Variants in GRM2 observed in about 807,000 individuals in gnomAD.
GRM2 encodes metabotropic glutamate receptor 2.
In GRM2, 35 loss-of-function variants were observed where a neutral mutation model predicts 60.4. That is an observed-to-expected ratio of 0.58 (90% CI 0.44 to 0.77). The LOEUF (loss-of-function observed/expected upper bound fraction) is 0.77. Ranked by LOEUF, GRM2 falls within the 30% of genes least tolerant of loss-of-function variation. GRM2 has a pLI of 0.00. For missense variants in GRM2, 925 were observed against 1,199.5 expected (o/e 0.77, Z 3.38); for synonymous variants, 437 against 484.1 (o/e 0.90, Z 1.28).
chr3:51,713,426 C>A lies in GRM2; in HGVS notation c.1288+116C>A. 1 of 756,678 alleles carries A rather than the reference C, an allele frequency of 1.3e-6. No individual in the cohort carries two copies. The highest frequency in any genetic ancestry group is 1.8e-5 in the South Asian group (1 of 54,092). The allele number at this position is 756,678 out of a possible 1,614,324, so 46.9% of individuals were successfully genotyped here. On this transcript the variant is annotated intron_variant, in intron 3 of 5. Transcript: ENST00000395052. This position sits in a 1 kb window ranked among gnomAD's most constrained non-coding sequence, Gnocchi z 4.8. ...CAGTAGAGTGAAAGTAAAGGACTCA[C>A]CTGGGGTGGCGTCAGAGCAAGGGCA...
chr3:51,708,519 T>A (rs1452443537), intron 1 of GRM2: 1 of 156,562 alleles, frequency 6.4e-6, no homozygotes, highest in Non-Finnish European at 1.4e-5. Flanking sequence ...AGGTTTGTGC[T>A]GTTCTTGGAC....
chr3:51,712,543 A>C lies in GRM2; in HGVS notation c.521A>C (p.Asp174Ala). 6.2e-7 allele frequency: 1 copy of C among 1,614,160 alleles called. No individual in the cohort carries two copies. Among genetic ancestry groups the C allele is most frequent in the Non-Finnish European group, 8.5e-7 (1 of 1,180,038 alleles). Reference protein sequence around the residue: ...SYASTSAKLSDKSRYDYFART... With the variant: ...SYASTSAKLSAKSRYDYFART... ...GCCTCTACCAGTGCCAAGCTGAGTG[A>C]CAAGTCCCGCTATGACTACTTTGCC... The change falls in exon 3 of 6, where the codon GAC becomes GCC. Residue 174 changes from aspartate to alanine, a missense_variant. Physicochemically the swap from Asp to Ala is moderately radical, Grantham distance 126 (BLOSUM62 -2). Transcript: ENST00000395052. This position sits in a 1 kb window ranked among gnomAD's most constrained non-coding sequence, Gnocchi z 5.3.
In GRM2 at chr3:51,713,187, G is replaced by A. The variant is rs1024952885; in HGVS notation, c.1165G>A (p.Ala389Thr). ...TGTGGTCAATGCAGTGTACGCCATG[G>A]CCCATGCGCTCCACAACATGCACCG... is the stretch of plus-strand genomic sequence containing the variant. Reference protein sequence around the residue: ...MFVVNAVYAMAHALHNMHRAL... With the variant: ...MFVVNAVYAMTHALHNMHRAL... The change falls in exon 3 of 6, where the codon GCC becomes ACC. Residue 389 changes from alanine to threonine, a missense_variant. Coordinates refer to ENST00000395052, the MANE Select transcript of GRM2 (RefSeq NM_000839.5). The surrounding 1 kb of genome is among the most constrained non-coding windows in gnomAD (Gnocchi z 4.8). The A allele has an allele frequency of 1.9e-6, 3 of 1,613,154 alleles. No individual in the cohort carries two copies. Among genetic ancestry groups the A allele is most frequent in the Non-Finnish European group, 2.5e-6 (3 of 1,180,012 alleles).
intron 2 of GRM2, among the ~76,000 whole-genome samples, chr3:51,710,578 G>A (rs1703677716): frequency 6.7e-6 from 1 of 149,886 alleles, no homozygotes; most frequent in Admixed American, 6.9e-5. Context: ...GCCAGGAGTG[G>A]CCAGAGGAGA....
chr3:51,708,972 C>A lies in GRM2; in HGVS notation c.-12C>A. On this transcript the variant is annotated 5_prime_UTR_variant, in exon 2 of 6. Transcript: ENST00000395052. ...CCCAGGTCTGCGGGACCCATCCATC[C>A]CCTTTGGGGCCATGGGATCGCTGCT... 2 of 1,552,832 alleles carry A rather than the reference C, an allele frequency of 1.3e-6. No individual in the cohort carries two copies. The highest frequency in any genetic ancestry group is 2.4e-5 in the South Asian group (2 of 83,266).
rs1703782608 is a variant in GRM2 at position 51,713,204 on chromosome 3, C to T, written c.1182C>T (p.Asn394=). 1.9e-6 allele frequency: 3 copies of T among 1,613,220 alleles called. No individual in the cohort carries two copies. The highest frequency in any genetic ancestry group is 1.1e-5 in the South Asian group (1 of 91,092). The part of the protein sequence containing the change: ...AVYAMAHALH[N]MHRALCPNTT... Reference sequence around the variant, plus strand: ...ACGCCATGGCCCATGCGCTCCACAACATGCACCGTGCCCTCTGCCCCAACA... The same window carrying T: ...ACGCCATGGCCCATGCGCTCCACAATATGCACCGTGCCCTCTGCCCCAACA... Residue 394 remains asparagine (N), a synonymous_variant, in exon 3 of 6, where the codon AAC becomes AAT. Transcript: ENST00000395052. The surrounding 1 kb of genome is among the most constrained non-coding windows in gnomAD (Gnocchi z 4.8).
At chr3:51,709,674 A>ACTC (rs1410040173) in intron 2 of GRM2, among the ~76,000 whole-genome samples, 2 of 34,938 alleles carry the variant, frequency 5.7e-5, no homozygotes, top group African/African-American at 1.0e-4. Flanking sequence ...ACCCTCACAC[A>ACTC]CACACACACA....
At chr3:51,711,983 C>T (rs1014112620) in intron 2 of GRM2, among the ~76,000 whole-genome samples, 6 of 152,200 alleles carry the variant, frequency 3.9e-5, no homozygotes, top group Non-Finnish European at 5.9e-5. Context: ...TTAGGGCCAC[C>T]GGACCCTGGG....
Position 51,712,325 on chromosome 3 carries a change from T to A in GRM2, c.451-148T>A, listed in dbSNP as rs1259523894. The A allele has an allele frequency of 2.4e-5, 16 of 671,076 alleles. No homozygotes were observed. The Admixed American group carries it at 3.8e-4, about 16-fold the overall frequency. 41.6% of individuals were successfully genotyped at this position (671,076 alleles called of 1,614,324 possible). On this transcript the variant is annotated intron_variant, in intron 2 of 5. Coordinates refer to ENST00000395052, the MANE Select transcript of GRM2 (RefSeq NM_000839.5). This position sits in a 1 kb window ranked among gnomAD's most constrained non-coding sequence, Gnocchi z 5.3. ...ACTCCCTAGCCCAGAGGGAAGACTG[T>A]CAAGTCAGGATGCAGGGCTTTAGAG...
At chr3:51,710,594 AGG>A (rs1219771760) in intron 2 of GRM2, among the ~76,000 whole-genome samples, 1 of 122,334 alleles carries the variant, frequency 8.2e-6, no homozygotes, top group Admixed American at 1.3e-4. Flanking sequence ...GGAGAGAATC[AGG>A]GTAGGGGAGT....
In GRM2 at chr3:51,712,854, C is replaced by T. The variant is rs1223123526; in HGVS notation, c.832C>T (p.Leu278=). The T allele has an allele frequency of 2.5e-6, 4 of 1,612,948 alleles. No homozygotes were observed. The highest frequency in any genetic ancestry group is 1.6e-4 in the Middle Eastern group (1 of 6,062). Residue 278 remains leucine, a synonymous_variant, in exon 3 of 6, where the codon CTG becomes TTG. Coordinates refer to ENST00000395052, the MANE Select transcript of GRM2 (RefSeq NM_000839.5). This position sits in a 1 kb window ranked among gnomAD's most constrained non-coding sequence, Gnocchi z 5.3. ...CACCCGTTCTGAGGATGCCCGGGAG[C>T]TGCTTGCTGCCAGCCAGCGCCTCAA... The part of the protein sequence containing the change: ...LFTRSEDARE[L]LAASQRLNAS...
intron 1 of GRM2, 196 bp downstream of exon 1, chr3:51,707,363 C>G (rs1439668754): frequency 1.3e-5 from 2 of 153,272 alleles, no homozygotes; most frequent in Non-Finnish European, 2.9e-5. Flanking sequence ...AACGCACGCC[C>G]CACATCGCAC....
At chr3:51,709,965 T>A (rs183880442) in intron 2 of GRM2, among the ~76,000 whole-genome samples, 2 of 151,172 alleles carry the variant, frequency 1.3e-5, no homozygotes, top group African/African-American at 2.4e-5. Flanking sequence ...AGCTTCTTCC[T>A]TATAAAATTG....
rs1489523413 is a variant in GRM2 at position 51,716,963 on chromosome 3, CT to C, written c.2365-672del. ...GGGACCGCTGGGCTTGGCTGCTCTGCTTGCACCTGCTGGGCCACCTGCTTGG... is the reference window on the plus strand; with the variant it reads ...GGGACCGCTGGGCTTGGCTGCTCTGCTGCACCTGCTGGGCCACCTGCTTGG... On this transcript the variant is annotated intron_variant, in intron 4 of 5. Transcript: ENST00000395052. The surrounding 1 kb of genome is among the most constrained non-coding windows in gnomAD (Gnocchi z 4.0). Among the ~76,000 whole-genome samples the C allele has an allele frequency of 1.3e-5, 2 of 152,172 alleles. No individual in the cohort carries two copies. The highest frequency in any genetic ancestry group is 4.8e-5 in the African/African-American group (2 of 41,446).
rs1703603304 is a variant in GRM2, at chr3:51,709,181, T to C, written c.198T>C (p.Leu66=). Residue 66 remains leucine, a synonymous_variant, in exon 2 of 6, where the codon CTT becomes CTC. Coordinates refer to ENST00000395052, the MANE Select transcript of GRM2 (RefSeq NM_000839.5). ...HRGIQRLEAM[L]FALDRINRDP... ...GCATCCAGCGCCTGGAGGCCATGCT[T>C]TTTGCACTGGACCGCATCAACCGTG... 6.2e-7 allele frequency: 1 copy of C among 1,612,288 alleles called. No homozygotes were observed. Among genetic ancestry groups the C allele is most frequent in the African/African-American group, 1.3e-5 (1 of 75,016 alleles).
Sources: gnomAD v4.1 joint callset for allele counts (sites outside exome capture counted in the v4.1 genomes callset) on GRCh38, gnomAD v4.1.1 for gene constraint, Gnocchi (gnomAD v3.1) non-coding constraint, MANE v1.5 for transcripts, NCBI Gene and HGNC (gene_info 2026-07-23, HGNC 2026-07-21) for gene names.